The following DAB1 variants were observed in gnomAD, a reference collection of about 807,000 sequenced individuals.
The protein encoded by DAB1 is disabled homolog 1.
Under a neutral mutation model 64.6 loss-of-function variants are expected in DAB1, and 15 were observed. The ratio of observed to expected loss-of-function variants is 0.23; its 90% CI spans 0.16 to 0.36. The LOEUF is 0.36. Ranked by LOEUF, DAB1 falls within the 10% of genes least tolerant of loss-of-function variation. The pLI is 1.00. For missense variants in DAB1, 596 were observed against 706.7 expected (o/e 0.84, Z 1.78); for synonymous variants, 235 against 251.9 (o/e 0.93, Z 0.64).
intron 3 of DAB1, among the ~76,000 whole-genome samples, chr1:58,402,558 C>G (rs1557750193): frequency 6.6e-6 from 1 of 151,440 alleles, no homozygotes. Context: ...TGTTGTATCT[C>G]AATACTTGGA....
At chr1:57,385,136 C>T (rs1681707243) in intron 1 of DAB1, among the ~76,000 whole-genome samples, 1 of 152,178 alleles carries the variant, frequency 6.6e-6, no homozygotes, top group Non-Finnish European at 1.5e-5. Context: ...GCTCAGTCTC[C>T]AGGGCAGACC....
chr1:57,251,375 C>T (rs372208837), intron 2 of DAB1, among the ~76,000 whole-genome samples: 8 of 152,144 alleles, frequency 5.3e-5, no homozygotes, highest in African/African-American at 1.9e-4. Context: ...TATTGAAATG[C>T]TAAGAATTTT....
chr1:57,897,039 A>T (rs979775815), intron 5 of DAB1, among the ~76,000 whole-genome samples: 3 of 152,170 alleles, frequency 2.0e-5, no homozygotes, highest in African/African-American at 7.2e-5. Flanking sequence ...AAGAAAAAGA[A>T]ACCATGGTTT....
intron 7 of DAB1, among the ~76,000 whole-genome samples, chr1:57,569,278 A>G (rs1226879188): frequency 6.6e-6 from 1 of 150,544 alleles, no homozygotes; most frequent in East Asian, 1.9e-4. Context: ...AAAAAAAGAC[A>G]CATGCACACG....
intron 7 of DAB1, among the ~76,000 whole-genome samples, chr1:57,622,031 A>G (rs1645865957): frequency 6.6e-6 from 1 of 152,234 alleles, no homozygotes; most frequent in Non-Finnish European, 1.5e-5. Flanking sequence ...GTGATAAGAA[A>G]CAGGAGAGGT....
At chr1:58,286,674 G>A (rs116487608) in intron 4 of DAB1, among the ~76,000 whole-genome samples, 2,293 of 152,326 alleles carry the variant, frequency 0.015, 56 homozygotes, top group African/African-American at 0.052. Flanking sequence ...AATGACTGAT[G>A]CTGGCATGGC....
Position 58,530,466 on chromosome 1 carries a change from A to T in DAB1, n.33-3131T>A, listed in dbSNP as rs555581847. On this transcript the variant is annotated intron_variant and non_coding_transcript_variant, in intron 1 of 20. Coordinates refer to the DAB1 transcript ENST00000485760. ...AAGAATATCCCCTAAAAACGAGAAA[A>T]CATAAGACACTAAAAATTCGTACCC... The T allele has an allele frequency of 8.9e-6, 5 of 564,338 alleles. No individual in the cohort carries two copies. The East Asian group carries it at 1.4e-4, about 16-fold the overall frequency. 35.0% of individuals were successfully genotyped at this position (564,338 alleles called of 1,614,324 possible).
rs934039650 is a variant in DAB1, at chr1:56,995,101, A to T, written c.*3043T>A. 6.6e-6 allele frequency: 1 copy of T among 152,234 alleles called. No individual in the cohort carries two copies. The highest frequency in any genetic ancestry group is 1.5e-5 in the Non-Finnish European group (1 of 68,042). The allele number at this position is 152,234 out of a possible 1,614,324, so 9.4% of individuals were successfully genotyped here. ...ATTACATGATGGGGTTTCAGGAGAC[A>T]CTGGGATGAGTACGAGCTATCAAAA... is the stretch of plus-strand genomic sequence containing the variant. On this transcript the variant is annotated 3_prime_UTR_variant, in exon 15 of 15. Coordinates refer to ENST00000371236, the MANE Select transcript of DAB1 (RefSeq NM_001365792.1).
chr1:57,162,644 T>C (rs1398706615), intron 2 of DAB1, among the ~76,000 whole-genome samples: 3 of 152,210 alleles, frequency 2.0e-5, no homozygotes, highest in South Asian at 2.1e-4. Context: ...TTTAAGTGGG[T>C]GTCTCTGCCA....
chr1:58,380,969 G>A lies in DAB1; in HGVS notation n.258-37566C>T, dbSNP rs577503662. Among the ~76,000 whole-genome samples the A allele has an allele frequency of 2.6e-5, 4 of 152,252 alleles. No individual in the cohort carries two copies. The East Asian group carries it at 5.8e-4, about 22-fold the overall frequency. ...TGGAATACTATGCACCCATAAAAAC[G>A]AACGAGATCATGTCCTTTGCAGGGA... On this transcript the variant is annotated intron_variant and non_coding_transcript_variant, in intron 3 of 20. Transcript: ENST00000485760.
chr1:57,709,983 C>T (rs7521928), intron 6 of DAB1, among the ~76,000 whole-genome samples: 23,790 of 152,066 alleles, frequency 0.16, 2,379 homozygotes, highest in East Asian at 0.32. Flanking sequence ...TTTCAGGCTG[C>T]TCTTTGTTAG....
chr1:57,621,173 G>GTA (rs1491368737), intron 7 of DAB1, among the ~76,000 whole-genome samples: 57 of 129,214 alleles, frequency 4.4e-4, no homozygotes, highest in Admixed American at 1.4e-3. Context: ...ATAAGCTTGA[G>GTA]TGTGTGTGTG....
At chr1:57,297,130 A>C (rs1246854847) in intron 1 of DAB1, among the ~76,000 whole-genome samples, 1 of 152,164 alleles carries the variant, frequency 6.6e-6, no homozygotes, top group Non-Finnish European at 1.5e-5. Flanking sequence ...AGAAATCGGA[A>C]GGGGAGAGCT....
intron 5 of DAB1, among the ~76,000 whole-genome samples, chr1:58,026,271 C>T (rs1004296640): frequency 1.3e-5 from 2 of 152,162 alleles, no homozygotes; most frequent in Non-Finnish European, 2.9e-5. Context: ...AAGAATATCG[C>T]AAGAAGGCAT....
chr1:57,653,250 C>T (rs1305039812), intron 6 of DAB1, among the ~76,000 whole-genome samples: 1 of 152,140 alleles, frequency 6.6e-6, no homozygotes, highest in African/African-American at 2.4e-5. Flanking sequence ...AATTTCCATA[C>T]ATATTTTTCT....
At chr1:58,069,305 C>T (rs939476822) in intron 5 of DAB1, among the ~76,000 whole-genome samples, 5 of 152,162 alleles carry the variant, frequency 3.3e-5, no homozygotes, top group Admixed American at 6.5e-5. Context: ...CTTGAAGAAA[C>T]AGACACAGAG....
intron 5 of DAB1, among the ~76,000 whole-genome samples, chr1:58,064,837 T>C (rs1648748492): frequency 6.6e-6 from 1 of 152,160 alleles, no homozygotes; most frequent in Non-Finnish European, 1.5e-5. Flanking sequence ...TTCTTCTGCC[T>C]CAGACTCTCC....
At chr1:58,452,079 C>T (rs187984254) in intron 3 of DAB1, among the ~76,000 whole-genome samples, 5 of 151,824 alleles carry the variant, frequency 3.3e-5, no homozygotes, top group Non-Finnish European at 5.9e-5. Flanking sequence ...ATTACAGGTG[C>T]GAGCCAACAC....
intron 1 of DAB1, among the ~76,000 whole-genome samples, chr1:57,395,190 A>T (rs965945203): frequency 4.6e-5 from 7 of 151,944 alleles, no homozygotes; most frequent in Admixed American, 4.6e-4. Context: ...ACGCTCAGCT[A>T]ATTTTTTGTA....
Sources: allele counts gnomAD v4.1 joint callset (sites outside exome capture counted in the v4.1 genomes callset), GRCh38; gene constraint gnomAD v4.1.1; transcripts MANE v1.5; gene names NCBI Gene and HGNC (gene_info 2026-07-23, HGNC 2026-07-21).